C1orf159: variants seen among roughly 807,000 people sequenced by gnomAD.
C1orf159 encodes the protein chromosome 1 open reading frame 159.
Under a neutral mutation model 25.6 loss-of-function variants are expected in C1orf159, and 19 were observed. The ratio of observed to expected loss-of-function variants is 0.74; its 90% CI spans 0.52 to 1.09. C1orf159 has a LOEUF of 1.09. Ranked by LOEUF, C1orf159 falls within the 50% of genes least tolerant of loss-of-function variation. The pLI is 0.00. For missense variants in C1orf159, 274 were observed against 290.6 expected, an observed-to-expected ratio of 0.94 and a Z score of 0.42; for synonymous variants, 139 against 124.7, an observed-to-expected ratio of 1.12 and a Z score of -0.77.
intron 1 of C1orf159, among the ~76,000 whole-genome samples, chr1:1,094,274 G>C (rs1645980863): frequency 6.6e-6 from 1 of 152,098 alleles, no homozygotes; most frequent in African/African-American, 2.4e-5. Context: ...CGGGGCTTAA[G>C]TGATCCTCCT....
In C1orf159 at chr1:1,089,558, A is replaced by T. The variant is rs1411233910; in HGVS notation, c.148+795T>A. Among the ~76,000 whole-genome samples, 1 of 151,892 alleles carries T rather than the reference A, an allele frequency of 6.6e-6. No homozygotes were observed. The highest frequency in any genetic ancestry group is 1.9e-4 in the East Asian group (1 of 5,180). On this transcript the variant is annotated intron_variant, in intron 4 of 9. Transcript: ENST00000421241. The surrounding 1 kb of genome is among the most constrained non-coding windows in gnomAD (Gnocchi z 7.5). ...CGCCCAGCCTCGGACCCCCGCGCCC[A>T]GCCTCACTGGCTGCCACAGCCGCCG...
At chr1:1,086,081 C>A in intron 6 of C1orf159, 69 bp from the exon 7 acceptor site, 1 of 1,569,298 alleles carries the variant, frequency 6.4e-7, no homozygotes, top group Non-Finnish European at 8.7e-7. Flanking sequence ...CCCCCGGTGC[C>A]CCCTGCACAT....
At chr1:1,108,843 T>C (rs1646216814) in intron 1 of C1orf159, among the ~76,000 whole-genome samples, 1 of 105,078 alleles carries the variant, frequency 9.5e-6, no homozygotes, top group Non-Finnish European at 1.7e-5. Context: ...AGCCACCATG[T>C]CTCGGCACCA....
chr1:1,088,132 C>T, intron 4 of C1orf159, among the ~76,000 whole-genome samples: 1 of 146,376 alleles, frequency 6.8e-6, no homozygotes, highest in Non-Finnish European at 1.5e-5. Flanking sequence ...CACTGCAACG[C>T]CTGCCCCAGG....
rs570198878 is a variant in C1orf159 at position 1,097,294 on chromosome 1, A to C, written c.-135-5191T>G. The stretch of plus-strand genomic sequence containing the variant: ...GCTAATTTTTGTATTTTTAGTAGAG[A>C]CAGGGTTTCACCATGTTGGCCAGCC... On this transcript the variant is annotated intron_variant, in intron 1 of 9. Coordinates refer to ENST00000421241, the MANE Select transcript of C1orf159 (RefSeq NM_017891.5). Among the ~76,000 whole-genome samples the C allele has an allele frequency of 2.0e-5, 3 of 152,030 alleles. No homozygotes were observed. In the South Asian group the frequency reaches 6.2e-4, roughly 32 times the overall value.
rs550427099 is a variant in C1orf159 at position 1,087,867 on chromosome 1, C to T, written c.149-270G>A. The stretch of plus-strand genomic sequence containing the variant: ...GCTGCACTCTCCACGCCGAGCACCC[C>T]GGCCCCGAGTACTCCACGCTGCACT... On this transcript the variant is annotated intron_variant, in intron 4 of 9. Transcript: ENST00000421241. This position sits in a 1 kb window ranked among gnomAD's most constrained non-coding sequence, Gnocchi z 8.3. Among the ~76,000 whole-genome samples, 8 of 151,434 alleles carry T rather than the reference C, an allele frequency of 5.3e-5. No homozygotes were observed. The East Asian group carries it at 5.8e-4, about 11-fold the overall frequency.
intron 1 of C1orf159, among the ~76,000 whole-genome samples, chr1:1,101,912 A>G (rs184624602): frequency 6.8e-4 from 103 of 151,976 alleles, no homozygotes; most frequent in African/African-American, 2.5e-3. Flanking sequence ...TATCTACTAA[A>G]AATACAAAAA....
chr1:1,110,671 C>G lies in C1orf159; in HGVS notation c.-136+5389G>C, dbSNP rs1035160880. 6.6e-6 allele frequency among the ~76,000 whole-genome samples: 1 copy of G among 151,866 alleles called. No homozygotes were observed. Among genetic ancestry groups the G allele is most frequent in the African/African-American group, 2.4e-5 (1 of 41,150 alleles). ...TGGGATGCAGCCTTCCCCCCGGGCA[C>G]GTTCCCAAGAGAAACAACACACGCC... On this transcript the variant is annotated intron_variant, in intron 1 of 9. Transcript: ENST00000421241. The surrounding 1 kb of genome is among the most constrained non-coding windows in gnomAD (Gnocchi z 4.8).
At chr1:1,086,773 C>T (rs373326023) in intron 6 of C1orf159, among the ~76,000 whole-genome samples, 1 of 151,826 alleles carries the variant, frequency 6.6e-6, no homozygotes, top group East Asian at 1.9e-4. Flanking sequence ...TGTGTGGTGT[C>T]AGCGTGAGCC....
At position 1,089,565 on chromosome 1, in the gene C1orf159, C is replaced by T. The variant is rs1200491186; in HGVS notation, c.148+788G>A. On this transcript the variant is annotated intron_variant, in intron 4 of 9. Coordinates refer to ENST00000421241, the MANE Select transcript of C1orf159 (RefSeq NM_017891.5). This position sits in a 1 kb window ranked among gnomAD's most constrained non-coding sequence, Gnocchi z 7.5. Reference sequence around the variant, plus strand: ...CCTCGGACCCCCGCGCCCAGCCTCACTGGCTGCCACAGCCGCCGTCTTGAC... The same window carrying T: ...CCTCGGACCCCCGCGCCCAGCCTCATTGGCTGCCACAGCCGCCGTCTTGAC... 6.6e-6 allele frequency among the ~76,000 whole-genome samples: 1 copy of T among 152,198 alleles called. No homozygotes were observed. The highest frequency in any genetic ancestry group is 1.5e-5 in the Non-Finnish European group (1 of 68,012).
chr1:1,087,154 C>T lies in C1orf159; in HGVS notation c.295G>A (p.Gly99Arg), dbSNP rs183314105. 1.7e-4 allele frequency: 281 copies of T among 1,609,904 alleles called. 4 individuals are homozygous for T. In the Middle Eastern group the frequency reaches 2.0e-3, roughly 11 times the overall value. Residue 99 changes from glycine to arginine, a missense_variant, in exon 6 of 10, where the codon GGG becomes AGG. By Grantham distance (125) the Gly-to-Arg change is moderately radical. Coordinates refer to ENST00000421241, the MANE Select transcript of C1orf159 (RefSeq NM_017891.5). The surrounding 1 kb of genome is among the most constrained non-coding windows in gnomAD (Gnocchi z 8.3). ...FPMNRSSGTP[G>R]RPHPGAPRVA... is the part of the protein sequence containing the mutation. ...TGAGACTTACCAGGATGTGGCCGCC[C>T]GGGGGTCCCTGAGCTTCTGTTCATG... is the stretch of plus-strand genomic sequence containing the variant.
At chr1:1,090,621 C>T (rs983538735) in intron 3 of C1orf159, 193 bp from the exon 4 acceptor site, 4 of 701,496 alleles carry the variant, frequency 5.7e-6, no homozygotes, top group Non-Finnish European at 2.4e-6. Flanking sequence ...AGCCACAGTG[C>T]ACATCCCTGT....
intron 1 of C1orf159, among the ~76,000 whole-genome samples, chr1:1,108,532 C>T (rs570046416): frequency 1.4e-5 from 2 of 141,480 alleles, no homozygotes; most frequent in African/African-American, 5.3e-5. Context: ...ACCACAGCCA[C>T]CATGTCTCGG....
At chr1:1,101,063 G>C (rs1216134391) in intron 1 of C1orf159, among the ~76,000 whole-genome samples, 1 of 152,122 alleles carries the variant, frequency 6.6e-6, no homozygotes, top group Non-Finnish European at 1.5e-5. Flanking sequence ...ACAATTTGAT[G>C]GTGACAAATT....
At chr1:1,113,748 G>A (rs781343802) in intron 1 of C1orf159, among the ~76,000 whole-genome samples, 7 of 152,130 alleles carry the variant, frequency 4.6e-5, no homozygotes, top group Non-Finnish European at 5.9e-5. Flanking sequence ...GATCAAGTGC[G>A]CAGTTTGACC....
At chr1:1,090,219 C>T in intron 4 of C1orf159, 134 bp downstream of exon 4, 1 of 924,916 alleles carries the variant, frequency 1.1e-6, no homozygotes, top group South Asian at 1.6e-5. Flanking sequence ...CCACAGCCCT[C>T]ACTGCCCCAT....
chr1:1,090,927 G>A lies in C1orf159; in HGVS notation c.73-499C>T, dbSNP rs1468528180. 5 of 1,550,302 alleles carry A rather than the reference G, an allele frequency of 3.2e-6. No homozygotes were observed. In the African/African-American group the frequency reaches 4.1e-5, roughly 13 times the overall value. Reference sequence around the variant, plus strand: ...CCACAGGCAGACTGGACAGGCCTGGGGGGCTCAGGGTACCCTCAGCTTGTG... The same window carrying A: ...CCACAGGCAGACTGGACAGGCCTGGAGGGCTCAGGGTACCCTCAGCTTGTG... On this transcript the variant is annotated intron_variant, in intron 3 of 9. Transcript: ENST00000421241.
chr1:1,087,123 G>T lies in C1orf159; in HGVS notation c.310+16C>A. 2 of 1,604,686 alleles carry T rather than the reference G, an allele frequency of 1.2e-6. No individual in the cohort carries two copies. On this transcript the variant is annotated intron_variant, in intron 6 of 9. Coordinates refer to ENST00000421241, the MANE Select transcript of C1orf159 (RefSeq NM_017891.5). This position sits in a 1 kb window ranked among gnomAD's most constrained non-coding sequence, Gnocchi z 8.3. ...CAGGACACCGGCAGAGGTGGCTGTG[G>T]CCTGCTGAGACTTACCAGGATGTGG...
intron 1 of C1orf159, among the ~76,000 whole-genome samples, chr1:1,108,424 C>T (rs576307341): frequency 7.3e-5 from 9 of 124,004 alleles, no homozygotes; most frequent in East Asian, 5.1e-4. Context: ...TCAGCAGCAC[C>T]GTCCACCACA....
Sources: gnomAD v4.1 joint callset for allele counts (sites outside exome capture counted in the v4.1 genomes callset) on GRCh38, gnomAD v4.1.1 for gene constraint, Gnocchi (gnomAD v3.1) non-coding constraint, MANE v1.5 for transcripts, NCBI Gene and HGNC (gene_info 2026-07-23, HGNC 2026-07-21) for gene names.